Variants in PLXDC2 observed in about 807,000 individuals in gnomAD.
PLXDC2 encodes the protein plexin domain containing 2.
In PLXDC2, 40 loss-of-function variants were observed where a neutral mutation model predicts 68.9. That is an observed-to-expected ratio of 0.58 (90% CI 0.45 to 0.76). The LOEUF (loss-of-function observed/expected upper bound fraction) is 0.76. Among genes scored for constraint, PLXDC2 ranks in the 30% least tolerant of loss-of-function variants. PLXDC2 has a pLI of 0.00. For synonymous variants in PLXDC2, 243 were observed against 234.2 expected, an observed-to-expected ratio of 1.04 and a Z score of -0.34; for missense variants, 644 against 661.9, an observed-to-expected ratio of 0.97 and a Z score of 0.30.
chr10:19,897,113 T>G (rs1303230973), intron 1 of PLXDC2, among the ~76,000 whole-genome samples: 1 of 152,210 alleles, frequency 6.6e-6, no homozygotes, highest in Non-Finnish European at 1.5e-5. Context: ...TCAGCAAAGC[T>G]CTTTTTGTCT....
rs116790630 is a variant in PLXDC2 at position 20,187,568 on chromosome 10, T to C, written c.1061+10159T>C. 7.2e-3 allele frequency among the ~76,000 whole-genome samples: 1,090 copies of C among 151,936 alleles called. 16 individuals carry two copies. Among genetic ancestry groups the C allele is most frequent in the African/African-American group, 0.025 (1,052 of 41,506 alleles). On this transcript the variant is annotated intron_variant, in intron 9 of 13. Coordinates refer to ENST00000377252, the MANE Select transcript of PLXDC2 (RefSeq NM_032812.9). ...ATTACAGTTATTGACATAACTGTAA[T>C]TCCTAGCACATAATTTACTTCAAAG...
At chr10:20,173,719 A>G (rs1439214699) in intron 7 of PLXDC2, among the ~76,000 whole-genome samples, 1 of 152,166 alleles carries the variant, frequency 6.6e-6, no homozygotes, top group Non-Finnish European at 1.5e-5. Flanking sequence ...ATTCAACTTT[A>G]TTTTGGCTTA....
chr10:20,042,119 GT>G (rs1835694021), intron 2 of PLXDC2, among the ~76,000 whole-genome samples: 1 of 152,010 alleles, frequency 6.6e-6, no homozygotes, highest in African/African-American at 2.4e-5. Flanking sequence ...GCTATTTCCT[GT>G]GTCCTGACTG....
rs1380040970 is a variant in PLXDC2, at chr10:20,281,989, TA to T, written c.*2172del. The T allele has an allele frequency of 6.6e-6, 1 of 152,164 alleles. No homozygotes were observed. Among genetic ancestry groups the T allele is most frequent in the Non-Finnish European group, 1.5e-5 (1 of 68,010 alleles). 9.4% of individuals were successfully genotyped at this position (152,164 alleles called of 1,614,324 possible). A position where few individuals can be genotyped will look rare whatever the true frequency, so the allele number is the denominator to read the frequency against. The stretch of plus-strand genomic sequence containing the variant: ...TAAGTACTACTTAATTCTCAAGTAG[TA>T]ATGTTATTCTTATACCCTTCAGCGT... On this transcript the variant is annotated 3_prime_UTR_variant, in exon 14 of 14. Coordinates refer to ENST00000377252, the MANE Select transcript of PLXDC2 (RefSeq NM_032812.9).
intron 4 of PLXDC2, among the ~76,000 whole-genome samples, chr10:20,119,495 CT>C (rs1433831558): frequency 1.3e-5 from 2 of 150,450 alleles, no homozygotes; most frequent in Non-Finnish European, 3.0e-5. Flanking sequence ...GCCATTTTCA[CT>C]TCTTTTGTGG....
chr10:20,133,864 C>T (rs1833900627), intron 4 of PLXDC2, among the ~76,000 whole-genome samples: 1 of 152,156 alleles, frequency 6.6e-6, no homozygotes, highest in South Asian at 2.1e-4. Flanking sequence ...AATGATGTCT[C>T]ATAATTCCTG....
intron 4 of PLXDC2, among the ~76,000 whole-genome samples, chr10:20,109,349 T>C (rs951869846): frequency 2.0e-5 from 3 of 152,208 alleles, no homozygotes; most frequent in African/African-American, 7.2e-5. Context: ...CTGTCTGCCA[T>C]GGGAATTGTG....
At chr10:20,037,594 C>G (rs967315979) in intron 2 of PLXDC2, among the ~76,000 whole-genome samples, 1 of 135,604 alleles carries the variant, frequency 7.4e-6, no homozygotes, top group African/African-American at 2.5e-5. Context: ...AGGTGTAGTA[C>G]CTAAGTAAAA....
intron 1 of PLXDC2, among the ~76,000 whole-genome samples, chr10:19,911,053 A>T (rs2131374062): frequency 7.1e-6 from 1 of 141,772 alleles, no homozygotes; most frequent in East Asian, 2.0e-4. Flanking sequence ...AGCTTAGTTT[A>T]TGCCTCATCT....
At chr10:20,092,019 A>C (rs1833283620) in intron 4 of PLXDC2, among the ~76,000 whole-genome samples, 1 of 152,074 alleles carries the variant, frequency 6.6e-6, no homozygotes, top group Non-Finnish European at 1.5e-5. Flanking sequence ...TTATACATCT[A>C]ATCCCAACCT....
At chr10:19,950,605 C>A (rs1833976234) in intron 1 of PLXDC2, among the ~76,000 whole-genome samples, 1 of 152,164 alleles carries the variant, frequency 6.6e-6, no homozygotes, top group Non-Finnish European at 1.5e-5. Flanking sequence ...AACTCTATTC[C>A]TATGAAACTA....
intron 2 of PLXDC2, among the ~76,000 whole-genome samples, chr10:20,004,986 A>G (rs1167099652): frequency 6.6e-6 from 1 of 152,130 alleles, no homozygotes; most frequent in East Asian, 1.9e-4. Flanking sequence ...GCAGCCTTGA[A>G]AGATTTGTGT....
At chr10:19,851,872 G>C (rs1370918818) in intron 1 of PLXDC2, among the ~76,000 whole-genome samples, 1 of 152,266 alleles carries the variant, frequency 6.6e-6, no homozygotes, top group South Asian at 2.1e-4. Context: ...CTTTGAAGAA[G>C]CCAAGGTAGT....
intron 9 of PLXDC2, among the ~76,000 whole-genome samples, chr10:20,197,571 T>C (rs1027197943): frequency 6.6e-6 from 1 of 152,168 alleles, no homozygotes; most frequent in Non-Finnish European, 1.5e-5. Flanking sequence ...TTGGCCAGGA[T>C]GGTCTTGATC....
At position 19,816,530 on chromosome 10, in the gene PLXDC2, A is replaced by G. The variant is rs1836343476; in HGVS notation, c.-550A>G. 1 of 154,348 alleles carries G rather than the reference A, an allele frequency of 6.5e-6. No homozygotes were observed. Among genetic ancestry groups the G allele is most frequent in the Non-Finnish European group, 1.4e-5 (1 of 69,342 alleles). 9.6% of individuals were successfully genotyped at this position (154,348 alleles called of 1,614,324 possible). ...CGCGCGCCCTGCGTCGGGCGAAGAA[A>G]AGAAGCAAAACTTGTCGGGAGGGTT... On this transcript the variant is annotated 5_prime_UTR_variant, in exon 1 of 14. Transcript: ENST00000377252.
At chr10:20,098,267 G>T (rs547996176) in intron 4 of PLXDC2, among the ~76,000 whole-genome samples, 28 of 151,896 alleles carry the variant, frequency 1.8e-4, no homozygotes, top group Non-Finnish European at 3.7e-4. Context: ...CTAGCCAGAA[G>T]ACCTTCACTT....
intron 13 of PLXDC2, among the ~76,000 whole-genome samples, chr10:20,279,468 G>T (rs1836052421): frequency 6.6e-6 from 1 of 152,106 alleles, no homozygotes; most frequent in African/African-American, 2.4e-5. Context: ...TTGAGGGCAG[G>T]TGTGACAAAT....
intron 2 of PLXDC2, among the ~76,000 whole-genome samples, chr10:20,031,754 A>G (rs1226507768): frequency 6.6e-6 from 1 of 152,152 alleles, no homozygotes. Flanking sequence ...TATTAGGCAA[A>G]GTTCTAATCA....
chr10:19,930,139 A>G (rs762897884), intron 1 of PLXDC2, among the ~76,000 whole-genome samples: 9 of 151,748 alleles, frequency 5.9e-5, no homozygotes, highest in Non-Finnish European at 1.2e-4. Flanking sequence ...CCTTAATGTC[A>G]TTTACACAGC....
Sources: allele counts gnomAD v4.1 joint callset (sites outside exome capture counted in the v4.1 genomes callset), GRCh38; gene constraint gnomAD v4.1.1; transcripts MANE v1.5; gene names NCBI Gene and HGNC (gene_info 2026-07-23, HGNC 2026-07-21).